NRXN3: variants seen among roughly 807,000 people sequenced by gnomAD.
NRXN3 encodes neurexin 3, also known as neurexin III.
In NRXN3, 32 loss-of-function variants were observed where a neutral mutation model predicts 137.6. The ratio of observed to expected loss-of-function variants is 0.23; its 90% confidence interval spans 0.18 to 0.31. The LOEUF is 0.31. Among genes scored for constraint, NRXN3 ranks in the 10% least tolerant of loss-of-function variants. The pLI is 1.00. For synonymous variants in NRXN3, 798 were observed against 784.5 expected (o/e 1.02, Z -0.29); for missense variants, 1,574 against 2,062.5 (o/e 0.76, Z 4.59).
intron 4 of NRXN3, among the ~76,000 whole-genome samples, chr14:78,536,528 A>T (rs1322278916): frequency 6.6e-6 from 1 of 152,196 alleles, no homozygotes; most frequent in Non-Finnish European, 1.5e-5. Context: ...AGAACTGGTT[A>T]TAATAGAACT....
chr14:78,657,121 C>G (rs943202689), intron 6 of NRXN3, among the ~76,000 whole-genome samples: 3 of 150,682 alleles, frequency 2.0e-5, no homozygotes, highest in African/African-American at 7.3e-5. Context: ...GCGCCTGCCT[C>G]TCTGAATTTT....
chr14:78,932,491 G>C (rs572424432), intron 10 of NRXN3, among the ~76,000 whole-genome samples: 35 of 152,264 alleles, frequency 2.3e-4, no homozygotes, highest in African/African-American at 8.4e-4. Context: ...GTGGATATGG[G>C]ATCAGAGTCT....
intron 15 of NRXN3, among the ~76,000 whole-genome samples, chr14:79,431,225 C>T (rs1183794582): frequency 6.6e-6 from 1 of 152,168 alleles, no homozygotes; most frequent in African/African-American, 2.4e-5. Flanking sequence ...AAATACCTGG[C>T]TCTAGCCCTC....
chr14:79,755,110 A>G (rs915772624), intron 19 of NRXN3, among the ~76,000 whole-genome samples: 1 of 152,148 alleles, frequency 6.6e-6, no homozygotes, highest in Non-Finnish European at 1.5e-5. Context: ...ACTCTTCAGA[A>G]GCAGAAAAAA....
chr14:79,449,133 G>A (rs1014652830), intron 15 of NRXN3, among the ~76,000 whole-genome samples: 26 of 152,170 alleles, frequency 1.7e-4, no homozygotes, highest in Admixed American at 5.9e-4. Context: ...GCAGGGAATT[G>A]CTCTGCATTC....
intron 19 of NRXN3, among the ~76,000 whole-genome samples, chr14:79,768,481 C>T (rs2099064338): frequency 6.6e-6 from 1 of 152,190 alleles, no homozygotes; most frequent in South Asian, 2.1e-4. Flanking sequence ...CCCCGAGCAG[C>T]CTAACTGGGA....
At chr14:79,053,147 G>A (rs142602694) in intron 15 of NRXN3, among the ~76,000 whole-genome samples, 27 of 152,310 alleles carry the variant, frequency 1.8e-4, no homozygotes, top group Non-Finnish European at 3.2e-4. Flanking sequence ...CTATTCTCAT[G>A]TGCATTACAT....
rs905697312 is a variant in NRXN3 at position 78,278,652 on chromosome 14, T to C, written c.717T>C (p.Ser239=). The change falls in exon 3 of 21, where the codon AGT becomes AGC. Residue 239 remains serine, a synonymous_variant. Coordinates refer to ENST00000335750, the MANE Select transcript of NRXN3 (RefSeq NM_001330195.2). ...YGGKLCSEDV[S]QDPGLSHLMM... is the part of the protein sequence containing the mutation. ...TTGAAAATGCTGCCACAGATGTCAG[T>C]CAAGATCCAGGTGAGTCTTTGTGTT... 1.3e-6 allele frequency: 2 copies of C among 1,535,234 alleles called. No individual in the cohort carries two copies. The highest frequency in any genetic ancestry group is 3.9e-5 in the Admixed American group (2 of 50,996).
chr14:79,158,159 C>T (rs1172873914), intron 15 of NRXN3, among the ~76,000 whole-genome samples: 1 of 151,816 alleles, frequency 6.6e-6, no homozygotes, highest in Non-Finnish European at 1.5e-5. Flanking sequence ...TGCTAGGTGA[C>T]TTCCCCCTGT....
intron 15 of NRXN3, among the ~76,000 whole-genome samples, chr14:79,130,498 A>G (rs2057303637): frequency 6.6e-6 from 1 of 151,970 alleles, no homozygotes; most frequent in African/African-American, 2.4e-5. Flanking sequence ...AGAATGTTGA[A>G]TATTGGCCCC....
At chr14:79,230,138 G>C (rs1016737211) in intron 15 of NRXN3, among the ~76,000 whole-genome samples, 7 of 152,086 alleles carry the variant, frequency 4.6e-5, no homozygotes, top group South Asian at 2.1e-4. Flanking sequence ...AAAGAAAAAG[G>C]CTCTGGGGAA....
chr14:79,537,623 A>G (rs1756751465), intron 16 of NRXN3, among the ~76,000 whole-genome samples: 1 of 152,160 alleles, frequency 6.6e-6, no homozygotes, highest in Admixed American at 6.5e-5. Flanking sequence ...ACATGAACTC[A>G]TCATTTTCTA....
intron 8 of NRXN3, among the ~76,000 whole-genome samples, chr14:78,734,206 AACACACACACACAC>A (rs10563958): frequency 1.3e-3 from 186 of 137,784 alleles, no homozygotes; most frequent in East Asian, 3.8e-3. Context: ...CTGCATCTGA[AACACACACACACAC>A]ACACACACAC....
intron 15 of NRXN3, among the ~76,000 whole-genome samples, chr14:79,220,363 C>T (rs1443321094): frequency 6.6e-6 from 1 of 152,108 alleles, no homozygotes. Context: ...TCTCATAAAC[C>T]TCTTCCTATG....
intron 6 of NRXN3, among the ~76,000 whole-genome samples, chr14:78,656,662 T>C (rs2097786710): frequency 6.6e-6 from 1 of 152,088 alleles, no homozygotes; most frequent in African/African-American, 2.4e-5. Flanking sequence ...CATCAGGCCT[T>C]CATTCTTTGA....
chr14:79,138,521 A>G (rs2058476708), intron 15 of NRXN3, among the ~76,000 whole-genome samples: 1 of 152,206 alleles, frequency 6.6e-6, no homozygotes, highest in South Asian at 2.1e-4. Flanking sequence ...AAGTGCAATG[A>G]CTCTTGAAGA....
At chr14:78,238,718 G>A (rs2066677056) in intron 1 of NRXN3, among the ~76,000 whole-genome samples, 1 of 152,232 alleles carries the variant, frequency 6.6e-6, no homozygotes, top group African/African-American at 2.4e-5. Flanking sequence ...ACTGGATTCT[G>A]CCTGTGGGAA....
chr14:78,253,885 A>G (rs544072802), intron 2 of NRXN3, among the ~76,000 whole-genome samples: 22 of 142,546 alleles, frequency 1.5e-4, no homozygotes, highest in African/African-American at 5.5e-4. Context: ...TCTCTGGTCA[A>G]TACTGAGTAT....
At chr14:79,142,033 T>C (rs1443857292) in intron 15 of NRXN3, among the ~76,000 whole-genome samples, 2 of 152,178 alleles carry the variant, frequency 1.3e-5, no homozygotes, top group African/African-American at 4.8e-5. Flanking sequence ...GTGAGCACAA[T>C]GAAAAAGCAA....
Sources: gnomAD v4.1 joint callset for allele counts (sites outside exome capture counted in the v4.1 genomes callset) on GRCh38, gnomAD v4.1.1 for gene constraint, MANE v1.5 for transcripts, NCBI Gene and HGNC (gene_info 2026-07-23, HGNC 2026-07-21) for gene names.